RBFOX1: variants seen among roughly 807,000 people sequenced by gnomAD.
RBFOX1 encodes RNA binding fox-1 homolog 1, also known as RNA binding protein fox-1 homolog 1.
RBFOX1 carries 8 observed loss-of-function variants against 57.7 expected under a neutral mutation model. That is an observed-to-expected ratio of 0.14 (90% CI 0.08 to 0.25). RBFOX1 has a LOEUF of 0.25. Among genes scored for constraint, RBFOX1 ranks in the 10% least tolerant of loss-of-function variants. The pLI is 1.00. For missense variants in RBFOX1, 611 were observed against 548.5 expected, an observed-to-expected ratio of 1.11 and a Z score of -1.14; for synonymous variants, 326 against 222.4, an observed-to-expected ratio of 1.47 and a Z score of -4.15.
chr16:5,765,556 CAG>C (rs2053746766), intron 3 of RBFOX1, among the ~76,000 whole-genome samples: 1 of 152,208 alleles, frequency 6.6e-6, no homozygotes, highest in Admixed American at 6.5e-5. Context: ...GCCAGACACA[CAG>C]AGAGTGCTTA....
chr16:6,499,055 C>G (rs1216018854), intron 2 of RBFOX1, among the ~76,000 whole-genome samples: 2 of 152,172 alleles, frequency 1.3e-5, no homozygotes, highest in Non-Finnish European at 2.9e-5. Flanking sequence ...ACTTATGTCA[C>G]CAGTTGGCTT....
intron 5 of RBFOX1, among the ~76,000 whole-genome samples, chr16:7,526,679 A>G (rs2078780495): frequency 6.6e-6 from 1 of 152,228 alleles, no homozygotes; most frequent in African/African-American, 2.4e-5. Flanking sequence ...GAATCAGGAA[A>G]AAGTCTCAAA....
chr16:5,561,062 A>T (rs17138059), intron 2 of RBFOX1, among the ~76,000 whole-genome samples: 34,567 of 152,100 alleles, frequency 0.23, 4,016 homozygotes, highest in South Asian at 0.35. Context: ...GGTTTTATCA[A>T]TTCCCAAATG....
chr16:7,698,142 A>C (rs906476735), intron 14 of RBFOX1, among the ~76,000 whole-genome samples: 1 of 151,866 alleles, frequency 6.6e-6, no homozygotes, highest in Non-Finnish European at 1.5e-5. Context: ...TGAAAACCCC[A>C]GACAGGTTGA....
intron 4 of RBFOX1, among the ~76,000 whole-genome samples, chr16:7,069,070 T>C (rs1356383097): frequency 6.6e-6 from 1 of 152,240 alleles, no homozygotes; most frequent in East Asian, 1.9e-4. Context: ...CTCTAGGAGA[T>C]GTCTGTAGCA....
At chr16:5,614,755 C>T (rs905049824) in intron 3 of RBFOX1, among the ~76,000 whole-genome samples, 3 of 152,118 alleles carry the variant, frequency 2.0e-5, no homozygotes, top group African/African-American at 2.4e-5. Flanking sequence ...AATCTAGATG[C>T]GAGATGCTAT....
At chr16:7,256,848 C>G (rs569025574) in intron 4 of RBFOX1, among the ~76,000 whole-genome samples, 1 of 152,174 alleles carries the variant, frequency 6.6e-6, no homozygotes, top group African/African-American at 2.4e-5. Flanking sequence ...TTTGTGGATA[C>G]CTGTCACTTC....
intron 1 of RBFOX1, among the ~76,000 whole-genome samples, chr16:6,219,892 C>CA (rs1198190621): frequency 6.6e-6 from 1 of 151,844 alleles, no homozygotes; most frequent in Non-Finnish European, 1.5e-5. Flanking sequence ...AACAAACAAA[C>CA]AAAAAAGAGA....
chr16:5,750,572 G>A (rs760831496), intron 3 of RBFOX1, among the ~76,000 whole-genome samples: 6 of 152,132 alleles, frequency 3.9e-5, no homozygotes, highest in Non-Finnish European at 5.9e-5. Flanking sequence ...AATGGCAGGC[G>A]CCCCTCCCCC....
At chr16:6,029,989 C>T (rs532156624) in intron 1 of RBFOX1, among the ~76,000 whole-genome samples, 1 of 152,324 alleles carries the variant, frequency 6.6e-6, no homozygotes, top group African/African-American at 2.4e-5. Flanking sequence ...TCATGTCTCA[C>T]TTCAACCTCT....
chr16:6,235,808 A>G (rs767283079), intron 1 of RBFOX1, among the ~76,000 whole-genome samples: 2 of 152,108 alleles, frequency 1.3e-5, no homozygotes, highest in African/African-American at 4.8e-5. Context: ...CTAAGCTACG[A>G]GGATGCAAAG....
At chr16:6,484,762 G>A (rs947943180) in intron 2 of RBFOX1, among the ~76,000 whole-genome samples, 1 of 152,094 alleles carries the variant, frequency 6.6e-6, no homozygotes, top group East Asian at 1.9e-4. Context: ...AGTTTTGTTG[G>A]CAGTGTCACC....
intron 3 of RBFOX1, among the ~76,000 whole-genome samples, chr16:5,722,797 T>C (rs2051985244): frequency 6.6e-6 from 1 of 152,230 alleles, no homozygotes; most frequent in Admixed American, 6.5e-5. Flanking sequence ...GGCTTACCTC[T>C]GTTAAATGCC....
intron 4 of RBFOX1, among the ~76,000 whole-genome samples, chr16:7,278,343 A>T (rs1020538817): frequency 3.3e-5 from 5 of 152,192 alleles, no homozygotes; most frequent in Non-Finnish European, 1.5e-5. Flanking sequence ...CTAGATGGTG[A>T]AGTCTTAAAT....
At chr16:7,218,869 C>G (rs1212642459) in intron 4 of RBFOX1, among the ~76,000 whole-genome samples, 1 of 152,122 alleles carries the variant, frequency 6.6e-6, no homozygotes, top group South Asian at 2.1e-4. Flanking sequence ...ACTCACCCCT[C>G]CAGCCTCGAT....
intron 3 of RBFOX1, among the ~76,000 whole-genome samples, chr16:6,989,270 G>T (rs1302698296): frequency 1.3e-5 from 2 of 152,032 alleles, no homozygotes; most frequent in Non-Finnish European, 2.9e-5. Context: ...TTTCTCTTGG[G>T]CAGTATGGAT....
chr16:7,194,529 C>G (rs575676889), intron 4 of RBFOX1, among the ~76,000 whole-genome samples: 33 of 152,188 alleles, frequency 2.2e-4, no homozygotes, highest in Admixed American at 5.2e-4. Flanking sequence ...ATTTAAATTA[C>G]CAAACAGATA....
At chr16:6,907,123 C>G (rs2070210332) in intron 3 of RBFOX1, among the ~76,000 whole-genome samples, 1 of 152,194 alleles carries the variant, frequency 6.6e-6, no homozygotes, top group South Asian at 2.1e-4. Flanking sequence ...CCCCAGTAGG[C>G]ATTTCACAAT....
intron 4 of RBFOX1, among the ~76,000 whole-genome samples, chr16:5,872,335 C>G (rs1005683194): frequency 3.3e-5 from 5 of 152,206 alleles, no homozygotes; most frequent in African/African-American, 1.2e-4. Flanking sequence ...AGTTATGTGA[C>G]TGTAGTCAAG....
Sources: gnomAD v4.1 joint callset for allele counts (sites outside exome capture counted in the v4.1 genomes callset) on GRCh38, gnomAD v4.1.1 for gene constraint, MANE v1.5 for transcripts, NCBI Gene and HGNC (gene_info 2026-07-23, HGNC 2026-07-21) for gene names.